The following CNTNAP2 variants were observed in gnomAD, a reference collection of about 807,000 sequenced individuals.
CNTNAP2 encodes contactin associated protein 2.
Under a neutral mutation model 155.2 loss-of-function variants are expected in CNTNAP2, and 98 were observed. That is an observed-to-expected ratio of 0.63 (90% CI 0.54 to 0.75). The LOEUF (loss-of-function observed/expected upper bound fraction) is 0.75, where lower values mean the gene tolerates loss of function less well. CNTNAP2 is among the 30% of genes least tolerant of loss of function. The probability of loss-of-function intolerance (pLI) is 0.00; values close to 1 mark genes in which losing one functional copy is unlikely to be tolerated. For missense variants in CNTNAP2, 1,727 were observed against 1,688.1 expected, an observed-to-expected ratio of 1.02 and a Z score of -0.40; for synonymous variants, 651 against 631.2, an observed-to-expected ratio of 1.03 and a Z score of -0.47.
intron 2 of CNTNAP2, among the ~76,000 whole-genome samples, chr7:146,828,466 T>C (rs1031070876): frequency 5.3e-4 from 80 of 152,102 alleles, no homozygotes; most frequent in African/African-American, 1.9e-3. Flanking sequence ...TTCTGATAAC[T>C]AGCTTTCATT....
intron 1 of CNTNAP2, among the ~76,000 whole-genome samples, chr7:146,437,881 G>A (rs563514126): frequency 1.4e-5 from 2 of 147,288 alleles, no homozygotes; most frequent in South Asian, 2.1e-4. Context: ...CCCCAATCTC[G>A]TTTTTTTTTT....
intron 4 of CNTNAP2, among the ~76,000 whole-genome samples, chr7:147,072,626 A>C (rs950229125): frequency 2.6e-5 from 4 of 152,144 alleles, no homozygotes; most frequent in Admixed American, 2.0e-4. Context: ...TAAAATCTAC[A>C]GAACTTGGTT....
At chr7:146,412,844 T>G (rs1202190806) in intron 1 of CNTNAP2, among the ~76,000 whole-genome samples, 1 of 152,234 alleles carries the variant, frequency 6.6e-6, no homozygotes, top group African/African-American at 2.4e-5. Context: ...ATGAAGGGTT[T>G]CAGTTTAGTC....
chr7:147,909,261 C>G (rs1195006710), intron 14 of CNTNAP2, among the ~76,000 whole-genome samples: 1 of 152,064 alleles, frequency 6.6e-6, no homozygotes. Flanking sequence ...TTGTTTTTAT[C>G]TATCTTTTTA....
intron 16 of CNTNAP2, among the ~76,000 whole-genome samples, chr7:148,143,933 A>G (rs921884145): frequency 2.0e-5 from 3 of 152,246 alleles, no homozygotes; most frequent in Non-Finnish European, 4.4e-5. Context: ...GTAGCTGGCA[A>G]GGAGCCTGGA....
intron 11 of CNTNAP2, among the ~76,000 whole-genome samples, chr7:147,560,083 G>A (rs191535204): frequency 0.014 from 2,004 of 147,928 alleles, 48 homozygotes; most frequent in African/African-American, 0.048. Flanking sequence ...CAGGAGAATC[G>A]CTTGAATCTG....
intron 13 of CNTNAP2, among the ~76,000 whole-genome samples, chr7:147,744,670 A>G (rs1797008441): frequency 6.6e-6 from 1 of 152,212 alleles, no homozygotes; most frequent in Non-Finnish European, 1.5e-5. Context: ...AAGTACCCTC[A>G]GGGTTGTTTT....
chr7:146,547,202 C>A (rs1049656773), intron 1 of CNTNAP2, among the ~76,000 whole-genome samples: 9 of 151,904 alleles, frequency 5.9e-5, no homozygotes, highest in African/African-American at 2.2e-4. Flanking sequence ...TAATTCTTTT[C>A]TTTTCTATTA....
Position 147,762,794 on chromosome 7 carries a change from G to A in CNTNAP2, c.2098+123488G>A, listed in dbSNP as rs543182424. On this transcript the variant is annotated intron_variant, in intron 13 of 23. Transcript: ENST00000361727. ...AAGGAAGGAAGGGGAAGGGGAAGAG[G>A]AGGAAGGGAAGGAAGGGAAGGAAAG... Among the ~76,000 whole-genome samples, 371 of 147,132 alleles carry A rather than the reference G, an allele frequency of 2.5e-3. 2 individuals are homozygous for A. The highest frequency in any genetic ancestry group is 9.2e-3 in the African/African-American group (348 of 37,856).
intron 11 of CNTNAP2, among the ~76,000 whole-genome samples, chr7:147,492,088 G>A (rs903926941): frequency 1.3e-5 from 2 of 152,176 alleles, no homozygotes; most frequent in African/African-American, 4.8e-5. Context: ...GGCACCAGGG[G>A]CCAGGTTCAT....
At chr7:146,136,833 GC>G (rs1430508938) in intron 1 of CNTNAP2, among the ~76,000 whole-genome samples, 1 of 152,162 alleles carries the variant, frequency 6.6e-6, no homozygotes, top group African/African-American at 2.4e-5. Context: ...GGTTTACGTT[GC>G]TTTGCTAGTC....
At chr7:147,597,602 TTGAA>T (rs914496850) in intron 12 of CNTNAP2, among the ~76,000 whole-genome samples, 30 of 152,266 alleles carry the variant, frequency 2.0e-4, no homozygotes, top group African/African-American at 7.0e-4. Context: ...AAGCAGCTTA[TTGAA>T]TGAATGAATG....
chr7:148,332,669 A>C (rs1798050028), intron 21 of CNTNAP2, among the ~76,000 whole-genome samples: 1 of 152,242 alleles, frequency 6.6e-6, no homozygotes. Flanking sequence ...CATTATCGTC[A>C]GTCAGACATG....
chr7:146,153,611 T>C (rs1562969719), intron 1 of CNTNAP2, among the ~76,000 whole-genome samples: 1 of 152,116 alleles, frequency 6.6e-6, no homozygotes, highest in East Asian at 1.9e-4. Flanking sequence ...TCTGATTTGC[T>C]CTATCTCATA....
chr7:147,983,349 T>G (rs1801565567), intron 15 of CNTNAP2, among the ~76,000 whole-genome samples: 1 of 152,124 alleles, frequency 6.6e-6, no homozygotes, highest in Non-Finnish European at 1.5e-5. Context: ...GAAAAGGGAC[T>G]AGCATGCAGG....
chr7:147,782,131 A>C (rs771107978), intron 13 of CNTNAP2, among the ~76,000 whole-genome samples: 1 of 152,226 alleles, frequency 6.6e-6, no homozygotes, highest in Non-Finnish European at 1.5e-5. Flanking sequence ...ATACCCAATC[A>C]GAAGATTATA....
At chr7:146,891,277 T>C (rs1473286612) in intron 3 of CNTNAP2, among the ~76,000 whole-genome samples, 2 of 152,146 alleles carry the variant, frequency 1.3e-5, no homozygotes, top group African/African-American at 4.8e-5. Flanking sequence ...GGTTCAAGCC[T>C]AAAAAACTAC....
intron 1 of CNTNAP2, among the ~76,000 whole-genome samples, chr7:146,277,910 A>G (rs572177307): frequency 4.7e-4 from 72 of 152,334 alleles, no homozygotes; most frequent in African/African-American, 1.7e-3. Context: ...TGAAAGGACA[A>G]GAAAGAAAAA....
intron 11 of CNTNAP2, among the ~76,000 whole-genome samples, chr7:147,488,238 G>C (rs888628473): frequency 6.6e-6 from 1 of 152,142 alleles, no homozygotes; most frequent in East Asian, 1.9e-4. Context: ...ACATTTTTGC[G>C]AAATCAATGA....
Sources: gnomAD v4.1 joint callset for allele counts (sites outside exome capture counted in the v4.1 genomes callset) on GRCh38, gnomAD v4.1.1 for gene constraint, MANE v1.5 for transcripts, NCBI Gene and HGNC (gene_info 2026-07-23, HGNC 2026-07-21) for gene names.